MAML2: variants seen among roughly 807,000 people sequenced by gnomAD.
The protein encoded by MAML2 is mastermind-like protein 2.
Under a neutral mutation model 96.1 loss-of-function variants are expected in MAML2, and 22 were observed. The ratio of observed to expected loss-of-function variants is 0.23; its 90% confidence interval spans 0.16 to 0.33. MAML2 has a LOEUF of 0.33. Among genes scored for constraint, MAML2 ranks in the 10% least tolerant of loss-of-function variants. The pLI, the probability that MAML2 is intolerant of heterozygous loss-of-function variation, is 1.00. For missense variants in MAML2, 1,367 were observed against 1,392.4 expected (o/e 0.98, Z 0.29); for synonymous variants, 561 against 521.3 (o/e 1.08, Z -1.04).
chr11:96,189,473 C>A (rs928598598), intron 1 of MAML2, among the ~76,000 whole-genome samples: 1 of 152,100 alleles, frequency 6.6e-6, no homozygotes, highest in East Asian at 1.9e-4. Context: ...AACACTATTG[C>A]GGGATAGACT....
At chr11:96,215,721 G>C (rs968257857) in intron 1 of MAML2, among the ~76,000 whole-genome samples, 8 of 151,884 alleles carry the variant, frequency 5.3e-5, no homozygotes, top group Non-Finnish European at 1.2e-4. Context: ...CAGCTGGGCA[G>C]AGCCCAGCTG....
rs768075826 is a variant in MAML2 at position 96,342,457 on chromosome 11, CCAAAA to C, written c.-567_-563del. The C allele has an allele frequency of 1.0e-5, 4 of 398,578 alleles. No homozygotes were observed. Among genetic ancestry groups the C allele is most frequent in the Non-Finnish European group, 1.3e-5 (3 of 226,162 alleles). 24.7% of individuals were successfully genotyped at this position (398,578 alleles called of 1,614,324 possible). On this transcript the variant is annotated 5_prime_UTR_variant, in exon 1 of 5. Transcript: ENST00000524717. Reference sequence around the variant, plus strand: ...ACTTTTCCTCAGGTTAAATAAAAAACCAAAACAAAACAAAACAGTGCTGTTTCAGA... The same window carrying C: ...ACTTTTCCTCAGGTTAAATAAAAAACCAAAACAAAACAGTGCTGTTTCAGA...
At chr11:96,323,108 TAA>T (rs11402930) in intron 1 of MAML2, among the ~76,000 whole-genome samples, 5 of 145,472 alleles carry the variant, frequency 3.4e-5, no homozygotes, top group Admixed American at 6.9e-5. Flanking sequence ...GCTACTGGTT[TAA>T]AAAAAAAAAA....
At chr11:96,003,726 A>G (rs1858133746) in intron 2 of MAML2, among the ~76,000 whole-genome samples, 1 of 152,222 alleles carries the variant, frequency 6.6e-6, no homozygotes, top group Non-Finnish European at 1.5e-5. Context: ...CAACAGATTC[A>G]AAACAAATAT....
chr11:96,130,282 G>A (rs1860524163), intron 1 of MAML2, among the ~76,000 whole-genome samples: 1 of 152,084 alleles, frequency 6.6e-6, no homozygotes, highest in African/African-American at 2.4e-5. Flanking sequence ...CCTCTCAAGG[G>A]GACTTCCAAA....
chr11:96,195,587 A>G (rs1453752103), intron 1 of MAML2, among the ~76,000 whole-genome samples: 1 of 152,240 alleles, frequency 6.6e-6, no homozygotes, highest in Non-Finnish European at 1.5e-5. Context: ...CTGCTACGAA[A>G]CATACAGGCA....
At chr11:96,129,617 T>C (rs576284160) in intron 1 of MAML2, among the ~76,000 whole-genome samples, 1 of 152,250 alleles carries the variant, frequency 6.6e-6, no homozygotes, top group Non-Finnish European at 1.5e-5. Context: ...TTTGTTTTGT[T>C]TTGTTTTTAT....
chr11:96,180,748 G>A (rs889507138), intron 1 of MAML2, among the ~76,000 whole-genome samples: 1 of 152,176 alleles, frequency 6.6e-6, no homozygotes, highest in Non-Finnish European at 1.5e-5. Context: ...CTTCATGTGT[G>A]TCCGTGTGAA....
chr11:96,110,266 A>G (rs1000700096), intron 1 of MAML2, among the ~76,000 whole-genome samples: 20 of 152,232 alleles, frequency 1.3e-4, no homozygotes, highest in Admixed American at 3.9e-4. Flanking sequence ...GACAGTGGCT[A>G]GAGAGAGTTA....
Position 95,979,435 on chromosome 11 carries a change from G to C in MAML2, c.2984C>G (p.Thr995Ser). Residue 995 changes from threonine to serine, a missense_variant, in exon 5 of 5, where the codon ACC (threonine) becomes AGC (serine). Physicochemically the swap from Thr to Ser is moderately conservative, Grantham distance 58. Coordinates refer to ENST00000524717, the MANE Select transcript of MAML2 (RefSeq NM_032427.4). ...TGCCTGTTGCAGTGACTGATTTGGG[G>C]TATAGGCTGCAGGTGTACCTGTGGG... The part of the protein sequence containing the change: ...RFPTGTPAAY[T>S]PNQSLQQAVG... 6.2e-7 allele frequency: 1 copy of C among 1,613,584 alleles called. No individual in the cohort carries two copies. Among genetic ancestry groups the C allele is most frequent in the Non-Finnish European group, 8.5e-7 (1 of 1,179,750 alleles).
intron 1 of MAML2, among the ~76,000 whole-genome samples, chr11:96,166,169 T>A (rs1861188453): frequency 8.6e-6 from 1 of 116,778 alleles, no homozygotes; most frequent in African/African-American, 3.3e-5. Flanking sequence ...TCTCTCTCTC[T>A]CTCTCTCTCA....
At chr11:96,116,681 T>C (rs759634391) in intron 1 of MAML2, among the ~76,000 whole-genome samples, 2 of 152,250 alleles carry the variant, frequency 1.3e-5, no homozygotes, top group Non-Finnish European at 2.9e-5. Flanking sequence ...AAAGTGCTTC[T>C]ACTAAACAAG....
intron 2 of MAML2, among the ~76,000 whole-genome samples, chr11:96,008,396 T>C (rs1024811517): frequency 3.3e-5 from 5 of 152,226 alleles, no homozygotes; most frequent in African/African-American, 1.2e-4. Context: ...CAGTTACCAA[T>C]GTTTACATTG....
chr11:96,253,735 C>A (rs986164898), intron 1 of MAML2, among the ~76,000 whole-genome samples: 1 of 152,210 alleles, frequency 6.6e-6, no homozygotes, highest in Non-Finnish European at 1.5e-5. Flanking sequence ...GGTAAATTCT[C>A]TCCCAGGATT....
At chr11:96,196,673 C>T (rs1430045997) in intron 1 of MAML2, among the ~76,000 whole-genome samples, 3 of 152,238 alleles carry the variant, frequency 2.0e-5, no homozygotes, top group Non-Finnish European at 4.4e-5. Context: ...TTCTCGGCTG[C>T]CCCTTAAACC....
At chr11:95,982,738 T>TA (rs1857761498) in intron 4 of MAML2, among the ~76,000 whole-genome samples, 1 of 152,172 alleles carries the variant, frequency 6.6e-6, no homozygotes, top group African/African-American at 2.4e-5. Flanking sequence ...ATGTTTTAAG[T>TA]ACAGTATGCA....
intron 1 of MAML2, among the ~76,000 whole-genome samples, chr11:96,155,584 G>C (rs1323920428): frequency 7.9e-6 from 1 of 126,642 alleles, no homozygotes; most frequent in African/African-American, 3.1e-5. Flanking sequence ...GAACACCCTG[G>C]TCCAATGTTT....
rs570008733 is a variant in MAML2 at position 96,199,289 on chromosome 11, A to G, written c.514-105772T>C. ...CCTTCTTCCCAGCTGGACCACTAGC[A>G]GCCATCTTGTCCGTGACAGGGAAGC... On this transcript the variant is annotated intron_variant, in intron 1 of 4. Coordinates refer to ENST00000524717, the MANE Select transcript of MAML2 (RefSeq NM_032427.4). Among the ~76,000 whole-genome samples, 5 of 151,420 alleles carry G rather than the reference A, an allele frequency of 3.3e-5. No homozygotes were observed. The East Asian group carries it at 9.7e-4, about 30-fold the overall frequency.
chr11:95,995,875 A>G (rs1473647386), intron 2 of MAML2, among the ~76,000 whole-genome samples: 5 of 152,202 alleles, frequency 3.3e-5, no homozygotes, highest in Non-Finnish European at 5.9e-5. Context: ...AAGATAAGCT[A>G]CACATACCAC....
Sources: gnomAD v4.1 joint callset for allele counts (sites outside exome capture counted in the v4.1 genomes callset) on GRCh38, gnomAD v4.1.1 for gene constraint, MANE v1.5 for transcripts, NCBI Gene and HGNC (gene_info 2026-07-23, HGNC 2026-07-21) for gene names.